The following ZRANB3 variants were observed in gnomAD, a reference collection of about 807,000 sequenced individuals.
ZRANB3 encodes the protein zinc finger RANBP2-type containing 3, also known as DNA annealing helicase and endonuclease ZRANB3.
ZRANB3 carries 125 observed loss-of-function variants against 133.8 expected under a neutral mutation model. The observed-to-expected ratio is 0.93, with a 90% CI of 0.81 to 1.08. The LOEUF (loss-of-function observed/expected upper bound fraction) is 1.08. ZRANB3 is among the 50% of genes least tolerant of loss of function. The probability of loss-of-function intolerance (pLI) is 0.00; values close to 1 mark genes in which losing one functional copy is unlikely to be tolerated. For missense variants in ZRANB3, 1,229 were observed against 1,275.5 expected, an observed-to-expected ratio of 0.96 and a Z score of 0.56; for synonymous variants, 387 against 432.7, an observed-to-expected ratio of 0.89 and a Z score of 1.31.
At chr2:135,453,012 CA>C (rs1690342545) in intron 2 of ZRANB3, among the ~76,000 whole-genome samples, 1 of 152,266 alleles carries the variant, frequency 6.6e-6, no homozygotes, top group Admixed American at 6.5e-5. Context: ...GCCCTTGCAG[CA>C]AACTTTTGCC....
At position 135,450,222 on chromosome 2, in the gene ZRANB3, C is replaced by T. The variant is rs560244557; in HGVS notation, c.161+54107G>A. ...CAAAGCTTGCAGTAAGCCGAGATGA[C>T]GCCACTGCACTCCAGCCTGGGTGAC... On this transcript the variant is annotated intron_variant, in intron 2 of 20. Coordinates refer to ENST00000264159, the MANE Select transcript of ZRANB3 (RefSeq NM_032143.4). Among the ~76,000 whole-genome samples the T allele has an allele frequency of 4.0e-5, 6 of 150,446 alleles. No individual in the cohort carries two copies. The South Asian group carries it at 8.4e-4, about 21-fold the overall frequency.
At chr2:135,523,785 C>T (rs1694039847) in intron 1 of ZRANB3, among the ~76,000 whole-genome samples, 1 of 152,204 alleles carries the variant, frequency 6.6e-6, no homozygotes, top group Non-Finnish European at 1.5e-5. Flanking sequence ...TTCAGTACCT[C>T]TTTCAGTAGA....
intron 17 of ZRANB3, among the ~76,000 whole-genome samples, chr2:135,211,254 C>A (rs2105043721): frequency 6.6e-6 from 1 of 152,114 alleles, no homozygotes; most frequent in Middle Eastern, 3.4e-3. Context: ...CAAAAAGAAA[C>A]CTGAGGCTGG....
At chr2:135,203,612 C>CAAAAA (rs1051712787) in intron 19 of ZRANB3, among the ~76,000 whole-genome samples, 4 of 62,064 alleles carry the variant, frequency 6.4e-5, no homozygotes, top group African/African-American at 1.0e-4. Flanking sequence ...GACTCGGTCT[C>CAAAAA]AAAAAAAAAA....
At chr2:135,396,631 A>T (rs1237155570) in intron 2 of ZRANB3, among the ~76,000 whole-genome samples, 3 of 152,140 alleles carry the variant, frequency 2.0e-5, no homozygotes, top group Non-Finnish European at 4.4e-5. Context: ...GAACTCATGG[A>T]GATAGAGAAT....
intron 2 of ZRANB3, among the ~76,000 whole-genome samples, chr2:135,413,859 C>T (rs1478788951): frequency 6.6e-6 from 1 of 151,922 alleles, no homozygotes; most frequent in Admixed American, 6.6e-5. Flanking sequence ...CCAAACTAGG[C>T]TTCATAAGTG....
intron 20 of ZRANB3, 136 bp downstream of exon 20, chr2:135,202,696 G>A (rs543096218): frequency 5.6e-6 from 6 of 1,074,890 alleles, no homozygotes; most frequent in Admixed American, 2.8e-5. Context: ...CAAGTGTTGG[G>A]TGATGAAAGG....
intron 12 of ZRANB3, among the ~76,000 whole-genome samples, chr2:135,231,509 T>G (rs12619410): frequency 6.6e-6 from 1 of 152,160 alleles, no homozygotes; most frequent in African/African-American, 2.4e-5. Context: ...CCGATAATCC[T>G]AGCACTTTGG....
intron 12 of ZRANB3, among the ~76,000 whole-genome samples, chr2:135,236,181 A>G (rs913819218): frequency 1.3e-5 from 2 of 152,242 alleles, no homozygotes; most frequent in Non-Finnish European, 1.5e-5. Context: ...GTGAACTCCC[A>G]TTCACAATTG....
intron 1 of ZRANB3, among the ~76,000 whole-genome samples, chr2:135,529,920 CAAGCTGACTTTAG>C (rs1348316214): frequency 2.0e-5 from 3 of 151,666 alleles, no homozygotes; most frequent in Non-Finnish European, 4.4e-5. Flanking sequence ...CTTTTCCTTC[CAAGCTGACTTTAG>C]AAGTGTGTTT....
rs553775631 is a variant in ZRANB3 at position 135,206,585 on chromosome 2, A to G, written c.3009+849T>C. Among the ~76,000 whole-genome samples the G allele has an allele frequency of 9.9e-5, 15 of 152,076 alleles. No individual in the cohort carries two copies. The South Asian group carries it at 3.1e-3, about 32-fold the overall frequency. On this transcript the variant is annotated intron_variant, in intron 19 of 20. Transcript: ENST00000264159. Reference sequence around the variant, plus strand: ...CTGGGAAACCAAACATAGACTTAGTATAATTAAGGAATTGTAATTGTGTTG... The same window carrying G: ...CTGGGAAACCAAACATAGACTTAGTGTAATTAAGGAATTGTAATTGTGTTG...
At chr2:135,246,783 G>A (rs934825655) in intron 12 of ZRANB3, among the ~76,000 whole-genome samples, 1 of 152,198 alleles carries the variant, frequency 6.6e-6, no homozygotes, top group African/African-American at 2.4e-5. Context: ...TTGGTGAGAA[G>A]TGCTGGGAAT....
chr2:135,361,150 G>C (rs766501822), intron 3 of ZRANB3, among the ~76,000 whole-genome samples: 16 of 152,162 alleles, frequency 1.1e-4, no homozygotes, highest in Non-Finnish European at 1.5e-4. Flanking sequence ...CACACTTCAA[G>C]TAATTTAGGC....
chr2:135,386,196 C>A (rs891480803), intron 3 of ZRANB3, among the ~76,000 whole-genome samples: 4 of 152,182 alleles, frequency 2.6e-5, no homozygotes, highest in Admixed American at 6.5e-5. Flanking sequence ...TGAACAGACA[C>A]TTCTCAAAAG....
chr2:135,258,145 AAAG>A (rs1679753598), intron 12 of ZRANB3, among the ~76,000 whole-genome samples: 1 of 151,908 alleles, frequency 6.6e-6, no homozygotes, highest in African/African-American at 2.4e-5. Flanking sequence ...TTTTTTTTTT[AAAG>A]AAAGATCCTG....
intron 8 of ZRANB3, among the ~76,000 whole-genome samples, chr2:135,293,463 T>G (rs1277546856): frequency 6.6e-6 from 1 of 152,202 alleles, no homozygotes; most frequent in Non-Finnish European, 1.5e-5. Context: ...GAGACTTTGC[T>G]GAAGTTGCCT....
intron 3 of ZRANB3, among the ~76,000 whole-genome samples, chr2:135,378,894 G>A (rs1253640227): frequency 6.6e-6 from 1 of 152,184 alleles, no homozygotes; most frequent in Non-Finnish European, 1.5e-5. Flanking sequence ...TTACAACCCA[G>A]AGAAGCCTAA....
At chr2:135,506,389 C>CA (rs1046294175) in intron 1 of ZRANB3, among the ~76,000 whole-genome samples, 2 of 150,940 alleles carry the variant, frequency 1.3e-5, no homozygotes, top group African/African-American at 4.9e-5. Flanking sequence ...AACTTCATCT[C>CA]AAAAAAAAGA....
intron 2 of ZRANB3, among the ~76,000 whole-genome samples, chr2:135,414,179 A>T (rs1688445303): frequency 6.6e-6 from 1 of 152,124 alleles, no homozygotes; most frequent in East Asian, 1.9e-4. Flanking sequence ...AAGAGTCAAG[A>T]CCCATCAGTG....
Sources: allele counts gnomAD v4.1 joint callset (sites outside exome capture counted in the v4.1 genomes callset), GRCh38; gene constraint gnomAD v4.1.1; transcripts MANE v1.5; gene names NCBI Gene and HGNC (gene_info 2026-07-23, HGNC 2026-07-21).